The following ME3 variants were observed in gnomAD, a reference collection of about 807,000 sequenced individuals.
ME3 encodes malic enzyme 3, also known as NADP-dependent malic enzyme, mitochondrial.
ME3 carries 48 observed loss-of-function variants against 68.9 expected under a neutral mutation model. That is an observed-to-expected ratio of 0.70 (90% CI 0.55 to 0.89). The LOEUF (loss-of-function observed/expected upper bound fraction) is 0.89. ME3 is among the 40% of genes least tolerant of loss of function. The pLI, the probability that ME3 is intolerant of heterozygous loss-of-function variation, is 0.00. For synonymous variants in ME3, 320 were observed against 318.8 expected, an observed-to-expected ratio of 1.00 and a Z score of -0.04; for missense variants, 675 against 797.4, an observed-to-expected ratio of 0.85 and a Z score of 1.85.
At chr11:86,600,040 C>T (rs1960322171) in intron 2 of ME3, among the ~76,000 whole-genome samples, 1 of 147,340 alleles carries the variant, frequency 6.8e-6, no homozygotes, top group African/African-American at 2.5e-5. Flanking sequence ...ACTGCATCAA[C>T]TAATGAGCAA....
At chr11:86,520,635 T>A (rs974656086) in intron 4 of ME3, among the ~76,000 whole-genome samples, 1 of 152,184 alleles carries the variant, frequency 6.6e-6, no homozygotes, top group Admixed American at 6.5e-5. Context: ...TCCCTCTTGT[T>A]CCTGCAGGAT....
chr11:86,648,590 G>A (rs766601405), intron 2 of ME3, among the ~76,000 whole-genome samples: 3 of 151,544 alleles, frequency 2.0e-5, no homozygotes, highest in African/African-American at 7.3e-5. Flanking sequence ...CTGCTAGAAC[G>A]ATTCTTCTCC....
chr11:86,650,423 A>T (rs532788216), intron 2 of ME3, among the ~76,000 whole-genome samples: 1 of 152,384 alleles, frequency 6.6e-6, no homozygotes, highest in South Asian at 2.1e-4. Context: ...CTAAAACACC[A>T]AAAGCAATGG....
At chr11:86,622,346 C>T (rs567872706) in intron 2 of ME3, among the ~76,000 whole-genome samples, 4 of 151,864 alleles carry the variant, frequency 2.6e-5, no homozygotes, top group African/African-American at 7.3e-5. Context: ...ACAGACACTG[C>T]CATATCCAGT....
intron 2 of ME3, among the ~76,000 whole-genome samples, chr11:86,645,835 T>G (rs2155033): frequency 6.6e-6 from 1 of 152,010 alleles, no homozygotes; most frequent in Non-Finnish European, 1.5e-5. Flanking sequence ...CCCTCTGGGA[T>G]GAAGCTTCCA....
chr11:86,618,299 C>CAAAAAAAAAAAAAA lies in ME3; in HGVS notation c.183+53449_183+53462dup, dbSNP rs55824426. Among the ~76,000 whole-genome samples, 27 of 55,944 alleles carry CAAAAAAAAAAAAAA rather than the reference C, an allele frequency of 4.8e-4. 2 individuals carry two copies. Among genetic ancestry groups the CAAAAAAAAAAAAAA allele is most frequent in the South Asian group, 9.8e-4 (1 of 1,024 alleles). The allele number at this position is 55,944 out of a possible 152,430, so 36.7% of individuals were successfully genotyped here. A position where few individuals can be genotyped will look rare whatever the true frequency, so the allele number is the denominator to read the frequency against. On this transcript the variant is annotated intron_variant, in intron 2 of 14. Transcript: ENST00000543262. ...TGGGCGACAGAGCAAGGCTCTGTCT[C>CAAAAAAAAAAAAAA]AAAAAAAAAAAAAAAAAAAAAAAAA...
At chr11:86,639,779 T>G (rs1404081798) in intron 2 of ME3, among the ~76,000 whole-genome samples, 3 of 152,236 alleles carry the variant, frequency 2.0e-5, no homozygotes, top group Non-Finnish European at 4.4e-5. Context: ...AACCTGAATA[T>G]CCTTTCAAAT....
chr11:86,535,171 G>T (rs910674895), intron 4 of ME3, among the ~76,000 whole-genome samples: 3 of 152,086 alleles, frequency 2.0e-5, no homozygotes, highest in South Asian at 2.1e-4. Context: ...CTGCATCTTT[G>T]TCTAGTAAAA....
intron 5 of ME3, among the ~76,000 whole-genome samples, chr11:86,506,690 A>G (rs1002365889): frequency 3.3e-5 from 5 of 152,206 alleles, no homozygotes; most frequent in African/African-American, 1.2e-4. Context: ...CAGCATGTCT[A>G]TCAACTGAAT....
At chr11:86,459,681 G>A (rs146414680) in intron 8 of ME3, among the ~76,000 whole-genome samples, 12 of 152,298 alleles carry the variant, frequency 7.9e-5, no homozygotes, top group African/African-American at 2.4e-4. Flanking sequence ...GGAAGGTACC[G>A]AGAATTTCAG....
intron 4 of ME3, among the ~76,000 whole-genome samples, chr11:86,543,156 A>G (rs1274750586): frequency 6.6e-6 from 1 of 152,218 alleles, no homozygotes; most frequent in Non-Finnish European, 1.5e-5. Flanking sequence ...TGGAGGAAGC[A>G]TTAAATATGG....
chr11:86,580,497 T>G (rs1368229451), intron 2 of ME3, among the ~76,000 whole-genome samples: 1 of 152,216 alleles, frequency 6.6e-6, no homozygotes, highest in African/African-American at 2.4e-5. Context: ...TATGGAAATT[T>G]TAATTTGCTT....
downstream of ME3, chr11:86,437,156 A>G (rs1405242996): frequency 1.3e-5 from 2 of 152,178 alleles, no homozygotes; most frequent in Admixed American, 6.5e-5. Flanking sequence ...CCCACTTATG[A>G]GAACATATGG....
intron 2 of ME3, among the ~76,000 whole-genome samples, chr11:86,562,617 A>T (rs1479455616): frequency 6.6e-6 from 1 of 152,112 alleles, no homozygotes; most frequent in Non-Finnish European, 1.5e-5. Context: ...TTATTGCTTT[A>T]ATTAGCAATC....
At chr11:86,462,506 A>T in intron 8 of ME3, 1 of 1,133,322 alleles carries the variant, frequency 8.8e-7, no homozygotes, top group Non-Finnish European at 1.1e-6. Context: ...GCTGTACATG[A>T]ATGATGACCT....
intron 2 of ME3, among the ~76,000 whole-genome samples, chr11:86,623,612 T>C (rs191970227): frequency 3.3e-5 from 5 of 152,274 alleles, no homozygotes; most frequent in African/African-American, 1.2e-4. Flanking sequence ...TGTAAGTTGT[T>C]GCTATTATTT....
chr11:86,447,101 G>A (rs200802455), exon 12 of ME3: 18 of 1,614,184 alleles, frequency 1.1e-5, no homozygotes, highest in Admixed American at 5.0e-5. Flanking sequence ...CCGTGCACTC[G>A]GCCTTGCTGG....
intron 4 of ME3, among the ~76,000 whole-genome samples, chr11:86,529,312 A>T (rs1317493059): frequency 6.6e-6 from 1 of 152,224 alleles, no homozygotes; most frequent in Non-Finnish European, 1.5e-5. Context: ...ACCAGGAAGA[A>T]GTTGAATCTC....
intron 2 of ME3, among the ~76,000 whole-genome samples, chr11:86,653,749 G>A (rs1428377643): frequency 6.6e-6 from 1 of 152,206 alleles, no homozygotes; most frequent in Non-Finnish European, 1.5e-5. Flanking sequence ...TAAGATCAGA[G>A]CTGAACTGAA....
Sources: allele counts gnomAD v4.1 joint callset (sites outside exome capture counted in the v4.1 genomes callset), GRCh38; gene constraint gnomAD v4.1.1; transcripts MANE v1.5; gene names NCBI Gene and HGNC (gene_info 2026-07-23, HGNC 2026-07-21).